PCLO: variants seen among roughly 807,000 people sequenced by gnomAD.
PCLO encodes protein piccolo.
In PCLO, 82 loss-of-function variants were observed where a neutral mutation model predicts 427.5. The ratio of observed to expected loss-of-function variants is 0.19; its 90% CI spans 0.16 to 0.23. The LOEUF (loss-of-function observed/expected upper bound fraction) is 0.23, where lower values mean the gene tolerates loss of function less well. Among genes scored for constraint, PCLO ranks in the 10% least tolerant of loss-of-function variants. The pLI is 1.00. For synonymous variants in PCLO, 2,357 were observed against 2,155.4 expected, an observed-to-expected ratio of 1.09 and a Z score of -2.59; for missense variants, 6,239 against 6,115.9, an observed-to-expected ratio of 1.02 and a Z score of -0.67.
At chr7:83,095,960 A>AT (rs767247483) in intron 3 of PCLO, among the ~76,000 whole-genome samples, 9 of 151,956 alleles carry the variant, frequency 5.9e-5, no homozygotes, top group South Asian at 2.1e-4. Context: ...CTTACAAATA[A>AT]TTTTTTTCTC....
chr7:83,085,286 T>C (rs1790202586), intron 3 of PCLO, among the ~76,000 whole-genome samples: 1 of 152,134 alleles, frequency 6.6e-6, no homozygotes, highest in Non-Finnish European at 1.5e-5. Flanking sequence ...GTAGATAACA[T>C]TTATCTAGTA....
chr7:83,005,303 A>G (rs979818671), intron 3 of PCLO, among the ~76,000 whole-genome samples: 2 of 151,686 alleles, frequency 1.3e-5, no homozygotes, highest in African/African-American at 4.8e-5. Flanking sequence ...TGCTAAGTGT[A>G]ATAAGACAGA....
chr7:82,913,410 A>T (rs1794370584), intron 7 of PCLO, among the ~76,000 whole-genome samples: 1 of 152,094 alleles, frequency 6.6e-6, no homozygotes, highest in Non-Finnish European at 1.5e-5. Flanking sequence ...GAAAGATGTT[A>T]TGTTTGAAAA....
intron 22 of PCLO, among the ~76,000 whole-genome samples, chr7:82,787,010 T>A (rs544244529): frequency 5.3e-5 from 8 of 152,158 alleles, no homozygotes; most frequent in Non-Finnish European, 7.4e-5. Context: ...TTTGGGTTGG[T>A]TCCAAGTCTT....
intron 3 of PCLO, among the ~76,000 whole-genome samples, chr7:83,095,805 G>A (rs1314823899): frequency 1.3e-5 from 2 of 151,918 alleles, no homozygotes; most frequent in African/African-American, 4.8e-5. Flanking sequence ...TATGATTTAA[G>A]TGCTTTAAAA....
At chr7:82,979,820 G>C (rs1009169047) in intron 3 of PCLO, among the ~76,000 whole-genome samples, 1 of 152,158 alleles carries the variant, frequency 6.6e-6, no homozygotes, top group Non-Finnish European at 1.5e-5. Context: ...CAAAAATACT[G>C]TGTGTTAGGC....
rs775491932 is a variant in PCLO, at chr7:82,951,080, T to C, written c.9508A>G (p.Met3170Val). The stretch of plus-strand genomic sequence containing the variant: ...ATCGTCTCAGCAGTAAGAGACTCCA[T>C]AGTAATAGTTTGCAAACTGGCACTG... ...DISASLQTIT[M>V]ESLTAETIDS... Residue 3170 changes from methionine to valine, a missense_variant, in exon 6 of 25, where the codon ATG (methionine) becomes GTG (valine). Coordinates refer to ENST00000333891, the MANE Select transcript of PCLO (RefSeq NM_033026.6). The C allele has an allele frequency of 8.7e-6, 14 of 1,613,738 alleles. No individual in the cohort carries two copies. In the African/African-American group the frequency reaches 1.3e-4, roughly 15 times the overall value.
intron 3 of PCLO, among the ~76,000 whole-genome samples, chr7:83,077,044 T>C (rs990236758): frequency 6.6e-6 from 1 of 151,998 alleles, no homozygotes; most frequent in Non-Finnish European, 1.5e-5. Context: ...ATTTTGCATA[T>C]AGCATCTGTA....
At chr7:82,828,104 T>C (rs1791994691) in intron 16 of PCLO, 138 bp from the exon 17 acceptor site, 3 of 613,658 alleles carry the variant, frequency 4.9e-6, no homozygotes, top group South Asian at 2.0e-5. Context: ...TCCTCATGTC[T>C]TAAACCTTAG....
chr7:82,804,879 G>A (rs1791427384), intron 21 of PCLO, among the ~76,000 whole-genome samples: 1 of 152,078 alleles, frequency 6.6e-6, no homozygotes, highest in Non-Finnish European at 1.5e-5. Context: ...TTTTGCCCTG[G>A]CGTAAACCCT....
intron 21 of PCLO, among the ~76,000 whole-genome samples, chr7:82,803,891 C>T (rs1031216009): frequency 2.7e-4 from 41 of 151,758 alleles, no homozygotes; most frequent in African/African-American, 9.2e-4. Context: ...CTTTGATTTA[C>T]AAGAGAAACA....
intron 3 of PCLO, among the ~76,000 whole-genome samples, chr7:83,024,397 T>G (rs1302282851): frequency 1.3e-5 from 2 of 152,136 alleles, no homozygotes; most frequent in Non-Finnish European, 2.9e-5. Context: ...ACTTTTCCGA[T>G]GAGCTTAAAA....
chr7:82,980,573 A>G (rs1460113730), intron 3 of PCLO, among the ~76,000 whole-genome samples: 1 of 152,190 alleles, frequency 6.6e-6, no homozygotes, highest in African/African-American at 2.4e-5. Context: ...TTGGCTGAAA[A>G]ATAGAATTTA....
Position 82,951,060 on chromosome 7 carries a change from C to T in PCLO, c.9528G>A (p.Glu3176=). Residue 3176 remains glutamate, a synonymous_variant, in exon 6 of 25, where the codon GAG becomes GAA. Coordinates refer to ENST00000333891, the MANE Select transcript of PCLO (RefSeq NM_033026.6). ...TTAAAGTGGGAACAGAGTCTATCGT[C>T]TCAGCAGTAAGAGACTCCATAGTAA... ...QTITMESLTA[E]TIDSVPTLTT... The T allele has an allele frequency of 6.2e-7, 1 of 1,613,906 alleles. No homozygotes were observed. The highest frequency in any genetic ancestry group is 8.5e-7 in the Non-Finnish European group (1 of 1,179,840).
rs974516918 is a variant in PCLO, at chr7:83,134,789, T to C, written c.2761A>G (p.Thr921Ala). ...SITDAPKSQP[T>A]TPQETVTGKL... Reference sequence around the variant, plus strand: ...CCAGTCACGGTCTCTTGAGGAGTTGTAGGCTGTGATTTGGGGGCATCAGTA... The same window carrying C: ...CCAGTCACGGTCTCTTGAGGAGTTGCAGGCTGTGATTTGGGGGCATCAGTA... Residue 921 changes from threonine to alanine, a missense_variant, in exon 3 of 25, where the codon ACA becomes GCA. Thr to Ala is a moderately conservative substitution (Grantham distance 58). Coordinates refer to ENST00000333891, the MANE Select transcript of PCLO (RefSeq NM_033026.6). 4.3e-6 allele frequency: 7 copies of C among 1,613,802 alleles called. No homozygotes were observed. Among genetic ancestry groups the C allele is most frequent in the African/African-American group, 4.0e-5 (3 of 74,908 alleles).
At chr7:82,767,585 A>G (rs1158273637) in intron 22 of PCLO, among the ~76,000 whole-genome samples, 2 of 152,128 alleles carry the variant, frequency 1.3e-5, no homozygotes, top group African/African-American at 4.8e-5. Context: ...TATAGAGAAC[A>G]TAGAGAATAA....
intron 6 of PCLO, among the ~76,000 whole-genome samples, chr7:82,935,773 C>T (rs886856611): frequency 2.2e-4 from 33 of 151,512 alleles, no homozygotes; most frequent in African/African-American, 7.0e-4. Context: ...TTCTATGCCA[C>T]GACTGGAGTA....
At position 82,806,723 on chromosome 7, in the gene PCLO, T is replaced by G. The variant is rs376062767; in HGVS notation, c.14792-894A>C. Among the ~76,000 whole-genome samples the G allele has an allele frequency of 1.7e-3, 257 of 152,312 alleles. 1 individual carries two copies. The highest frequency in any genetic ancestry group is 5.7e-3 in the African/African-American group (237 of 41,584). On this transcript the variant is annotated intron_variant, in intron 20 of 24. Coordinates refer to ENST00000333891, the MANE Select transcript of PCLO (RefSeq NM_033026.6). Reference sequence around the variant, plus strand: ...TCTGGTTTTGACTCCCAACCCACTCTTTAGCAACTGTACACTGCTTTTCTC... The same window carrying G: ...TCTGGTTTTGACTCCCAACCCACTCGTTAGCAACTGTACACTGCTTTTCTC...
At chr7:83,085,620 C>T (rs1790212054) in intron 3 of PCLO, among the ~76,000 whole-genome samples, 1 of 152,054 alleles carries the variant, frequency 6.6e-6, no homozygotes. Context: ...GGATGAATTT[C>T]CACTAACAGG....
Sources: gnomAD v4.1 joint callset for allele counts (sites outside exome capture counted in the v4.1 genomes callset) on GRCh38, gnomAD v4.1.1 for gene constraint, MANE v1.5 for transcripts, NCBI Gene and HGNC (gene_info 2026-07-23, HGNC 2026-07-21) for gene names.